The following JAG1 variants were observed in gnomAD, a reference collection of about 807,000 sequenced individuals.
The protein encoded by JAG1 is protein jagged-1.
Under a neutral mutation model 148.7 loss-of-function variants are expected in JAG1, and 23 were observed. The observed-to-expected ratio is 0.15, with a 90% CI of 0.11 to 0.22. The LOEUF (loss-of-function observed/expected upper bound fraction) is 0.22, where lower values mean the gene tolerates loss of function less well. Ranked by LOEUF, JAG1 falls within the 10% of genes least tolerant of loss-of-function variation. The pLI is 1.00. For missense variants in JAG1, 1,054 were observed against 1,611.2 expected, an observed-to-expected ratio of 0.65 and a Z score of 5.92; for synonymous variants, 572 against 598.3, an observed-to-expected ratio of 0.96 and a Z score of 0.64.
At chr20:10,667,262 G>A (rs913906715) in intron 2 of JAG1, among the ~76,000 whole-genome samples, 1 of 152,354 alleles carries the variant, frequency 6.6e-6, no homozygotes, top group East Asian at 1.9e-4. Flanking sequence ...GGGAATGCCC[G>A]ACGTGCCAAC....
Position 10,645,660 on chromosome 20 carries a change from A to G in JAG1, c.2000-191T>C, listed in dbSNP as rs1448009445. On this transcript the variant is annotated intron_variant, in intron 15 of 25. Transcript: ENST00000254958. This position sits in a 1 kb window ranked among gnomAD's most constrained non-coding sequence, Gnocchi z 6.1. ...CAACTGGGTTACTTTGAATGCCACA[A>G]GTTAGGCAAGATGTGGGGTGGGCCT... is the stretch of plus-strand genomic sequence containing the variant. 4.6e-6 allele frequency: 3 copies of G among 650,216 alleles called. No individual in the cohort carries two copies. In the East Asian group the frequency reaches 8.2e-5, roughly 18 times the overall value. The allele number at this position is 650,216 out of a possible 1,614,324, so 40.3% of individuals were successfully genotyped here.
Position 10,640,870 on chromosome 20 carries a change from G to T in JAG1, c.3112C>A (p.Leu1038Ile), listed in dbSNP as rs139934091. The T allele has an allele frequency of 5.6e-6, 9 of 1,613,764 alleles. No homozygotes were observed. The highest frequency in any genetic ancestry group is 7.6e-6 in the Non-Finnish European group (9 of 1,179,804). ...CTGTTTCCATCACGTTTACTAACAA[G>T]ATCGATTATTTTGTCAGTGATTTCC... ...IKEITDKIID[L>I]VSKRDGNSSL... is the part of the protein sequence containing the mutation. The change falls in exon 25 of 26, where the codon CTT becomes ATT. Residue 1038 changes from leucine to isoleucine, a missense_variant. This residue lies in a region of JAG1 where 342 missense variants were observed against 514.6 expected (regional missense o/e 0.66). Transcript: ENST00000254958.
chr20:10,671,862 G>A (rs2067497281), intron 2 of JAG1, among the ~76,000 whole-genome samples: 2 of 152,114 alleles, frequency 1.3e-5, no homozygotes, highest in Admixed American at 6.5e-5. Context: ...GCGGGGGGAT[G>A]AGGGCCTATC....
rs1398348355 is a variant in JAG1, at chr20:10,673,715, C to G, written c.-185G>C. The G allele has an allele frequency of 1.5e-5, 4 of 260,862 alleles. No homozygotes were observed. The highest frequency in any genetic ancestry group is 2.8e-5 in the Non-Finnish European group (4 of 140,490). 16.2% of individuals were successfully genotyped at this position (260,862 alleles called of 1,614,324 possible). A position where few individuals can be genotyped will look rare whatever the true frequency, so the allele number is the denominator to read the frequency against. On this transcript the variant is annotated 5_prime_UTR_variant, in exon 1 of 26. Coordinates refer to ENST00000254958, the MANE Select transcript of JAG1 (RefSeq NM_000214.3). The surrounding 1 kb of genome is among the most constrained non-coding windows in gnomAD (Gnocchi z 4.7). ...TTCAAAAGCCCTTTCAAGAGCGGCCCGTTCCAGAAGGCAAAGAGCCCGGCC... is the reference window on the plus strand; with the variant it reads ...TTCAAAAGCCCTTTCAAGAGCGGCCGGTTCCAGAAGGCAAAGAGCCCGGCC...
At chr20:10,640,731 A>G (rs991253631) in intron 25 of JAG1, 52 bp downstream of exon 25, 2 of 1,580,824 alleles carry the variant, frequency 1.3e-6, no homozygotes, top group African/African-American at 2.7e-5. Flanking sequence ...ATTGAATAGT[A>G]TAATGAGATC....
At chr20:10,670,899 T>A (rs1384200793) in intron 2 of JAG1, among the ~76,000 whole-genome samples, 3 of 152,204 alleles carry the variant, frequency 2.0e-5, no homozygotes, top group Non-Finnish European at 4.4e-5. Context: ...TCGTTTTCCA[T>A]TGAGGACTCT....
rs758921127 is a variant in JAG1 at position 10,642,475 on chromosome 20, C to G, written c.2572+13G>C. 1 of 1,532,404 alleles carries G rather than the reference C, an allele frequency of 6.5e-7. No homozygotes were observed. The highest frequency in any genetic ancestry group is 9.0e-7 in the Non-Finnish European group (1 of 1,105,494). 94.9% of individuals were successfully genotyped at this position (1,532,404 alleles called of 1,614,324 possible). A position where few individuals can be genotyped will look rare whatever the true frequency, so the allele number is the denominator to read the frequency against. On this transcript the variant is annotated intron_variant, in intron 21 of 25. Transcript: ENST00000254958. ...CAGAAGACCCATGGGCAGCTGAAGC[C>G]TGGCACACATACCTTCCTGGCACTT...
intron 5 of JAG1, among the ~76,000 whole-genome samples, chr20:10,655,152 T>G (rs2067370409): frequency 1.3e-5 from 2 of 152,306 alleles, no homozygotes; most frequent in South Asian, 4.1e-4. Flanking sequence ...CAGTTCTTAA[T>G]TTAGTTCCAT....
Position 10,639,665 on chromosome 20 carries a change from G to A in JAG1, c.3490C>T (p.His1164Tyr), listed in dbSNP as rs2067256410. ...SEVEEDDMDK[H>Y]QQKARFAKQP... ...TTGGCAAACCGGGCTTTCTGCTGGT[G>A]TTTGTCCATGTCGTCCTCTTCTACT... Residue 1164 changes from histidine to tyrosine, a missense_variant, in exon 26 of 26, where the codon CAC (histidine) becomes TAC (tyrosine). Coordinates refer to ENST00000254958, the MANE Select transcript of JAG1 (RefSeq NM_000214.3). 3.1e-6 allele frequency: 5 copies of A among 1,614,220 alleles called. No individual in the cohort carries two copies. Among genetic ancestry groups the A allele is most frequent in the Non-Finnish European group, 3.4e-6 (4 of 1,180,042 alleles).
chr20:10,639,923 T>C lies in JAG1; in HGVS notation c.3232A>G (p.Thr1078Ala). The C allele has an allele frequency of 6.2e-7, 1 of 1,614,216 alleles. No individual in the cohort carries two copies. The highest frequency in any genetic ancestry group is 1.1e-5 in the South Asian group (1 of 91,088). Residue 1078 changes from threonine to alanine, a missense_variant, in exon 26 of 26, where the codon ACT becomes GCT. By Grantham distance (58) the Thr-to-Ala change is moderately conservative (BLOSUM62 0). Around this residue, in one of 6 missense-constraint regions of JAG1, gnomAD observed 342 missense variants for 514.6 expected, o/e 0.66. Transcript: ENST00000254958. ...FLVPLLSSVLTVAWICCLVTA... is the reference protein window; with the variant it reads ...FLVPLLSSVLAVAWICCLVTA... The stretch of plus-strand genomic sequence containing the variant: ...ACCAAGCAACAGATCCAAGCCACAG[T>C]TAAGACAGAGCTCAGCAAGGGAACA...
rs745784470 is a variant in JAG1 at position 10,658,462 on chromosome 20, A to G, written c.694+6T>C. 1.2e-6 allele frequency: 2 copies of G among 1,613,776 alleles called. No homozygotes were observed. Among genetic ancestry groups the G allele is most frequent in the Non-Finnish European group, 1.7e-6 (2 of 1,180,040 alleles). Reference sequence around the variant, plus strand: ...CACACGTGCACATGCACACACACACACATACCTCTGTTACATTCGGGGCCC... The same window carrying G: ...CACACGTGCACATGCACACACACACGCATACCTCTGTTACATTCGGGGCCC... On this transcript the variant is annotated splice_donor_region_variant and intron_variant, in intron 4 of 25. Coordinates refer to ENST00000254958, the MANE Select transcript of JAG1 (RefSeq NM_000214.3).
In JAG1 at chr20:10,652,291, A is replaced by C. The variant is rs1398362669; in HGVS notation, c.887-41T>G. 3 of 1,612,422 alleles carry C rather than the reference A, an allele frequency of 1.9e-6. No individual in the cohort carries two copies. The Admixed American group carries it at 5.0e-5, about 27-fold the overall frequency. On this transcript the variant is annotated intron_variant, in intron 6 of 25. Coordinates refer to ENST00000254958, the MANE Select transcript of JAG1 (RefSeq NM_000214.3). ...TGGAGTCACTAAGAGACGCCTGTGA[A>C]GATGGCGAACCCACCATGTTTCTAG...
At chr20:10,663,689 A>G (rs1483197414) in intron 3 of JAG1, among the ~76,000 whole-genome samples, 2 of 152,248 alleles carry the variant, frequency 1.3e-5, no homozygotes, top group Admixed American at 6.5e-5. Flanking sequence ...TTGTAAAACC[A>G]TTAAGATCTC....
chr20:10,665,184 GGAAAAAGA>G (rs1262677669), intron 2 of JAG1, among the ~76,000 whole-genome samples: 1 of 152,072 alleles, frequency 6.6e-6, no homozygotes, highest in Non-Finnish European at 1.5e-5. Flanking sequence ...ATAAGATAAA[GGAAAAAGA>G]GAAAAAGGGA....
At chr20:10,647,165 C>T in intron 13 of JAG1, 62 bp from the exon 14 acceptor site, 11 of 1,602,020 alleles carry the variant, frequency 6.9e-6, no homozygotes, top group Non-Finnish European at 9.4e-6. Context: ...ATTCCTAAGC[C>T]AAGGGCCTGG....
rs1555828066 is a variant in JAG1 at position 10,644,276 on chromosome 20, T to TCTCTCACA, written c.2372+80_2372+81insTGTGAGAG. The TCTCTCACA allele has an allele frequency of 1.0e-3, 881 of 884,204 alleles. 4 individuals carry two copies. Among genetic ancestry groups the TCTCTCACA allele is most frequent in the Middle Eastern group, 1.5e-3 (6 of 4,036 alleles). 54.8% of individuals were successfully genotyped at this position (884,204 alleles called of 1,614,324 possible). A position where few individuals can be genotyped will look rare whatever the true frequency, so the allele number is the denominator to read the frequency against. ...TTTAAACACAATCCCTGGGTGATTC[T>TCTCTCACA]CACACACACACACACACACACACAC... On this transcript the variant is annotated intron_variant, in intron 19 of 25. Transcript: ENST00000254958.
intron 25 of JAG1, among the ~76,000 whole-genome samples, chr20:10,640,173 G>A (rs908807357): frequency 1.3e-5 from 2 of 152,200 alleles, no homozygotes; most frequent in Admixed American, 1.3e-4. Context: ...TCTTATCCCT[G>A]GAGAGACTGG....
chr20:10,656,808 GA>G (rs1177594894), intron 4 of JAG1, among the ~76,000 whole-genome samples: 4 of 122,978 alleles, frequency 3.3e-5, no homozygotes, highest in Non-Finnish European at 6.7e-5. Flanking sequence ...TTCATTAGAA[GA>G]AAAAAAGGTA....
intron 3 of JAG1, among the ~76,000 whole-genome samples, chr20:10,660,167 A>G (rs2067406235): frequency 6.6e-6 from 1 of 152,184 alleles, no homozygotes; most frequent in Non-Finnish European, 1.5e-5. Flanking sequence ...CCAGGAGAGA[A>G]GGGACTCCTG....
Sources: gnomAD v4.1 joint callset for allele counts (sites outside exome capture counted in the v4.1 genomes callset) on GRCh38, gnomAD v4.1.1 for gene constraint, gnomAD v4.1.1 regional missense constraint, Gnocchi (gnomAD v3.1) non-coding constraint, MANE v1.5 for transcripts, NCBI Gene and HGNC (gene_info 2026-07-23, HGNC 2026-07-21) for gene names.